SNTG2: variants seen among roughly 807,000 people sequenced by gnomAD.
SNTG2 encodes syntrophin gamma 2, also known as gamma-2-syntrophin.
Under a neutral mutation model 70.9 loss-of-function variants are expected in SNTG2, and 74 were observed. That is an observed-to-expected ratio of 1.04 (90% CI 0.86 to 1.27). SNTG2 has a LOEUF of 1.27. SNTG2 is among the 50% of genes most tolerant of loss of function. The pLI is 0.00. For missense variants in SNTG2, 717 were observed against 690.7 expected (o/e 1.04, Z -0.43); for synonymous variants, 278 against 273.8 (o/e 1.02, Z -0.15).
At chr2:1,176,066 C>A (rs764258930) in intron 8 of SNTG2, among the ~76,000 whole-genome samples, 38 of 152,122 alleles carry the variant, frequency 2.5e-4, no homozygotes, top group Admixed American at 2.0e-3. Flanking sequence ...TAGCCTAATG[C>A]TTGGAATATG....
chr2:1,053,046 G>A (rs1045202058), intron 1 of SNTG2, among the ~76,000 whole-genome samples: 2 of 152,290 alleles, frequency 1.3e-5, no homozygotes, highest in South Asian at 2.1e-4. Flanking sequence ...TGCCACATAT[G>A]TGAAAATAAC....
intron 1 of SNTG2, among the ~76,000 whole-genome samples, chr2:959,988 C>T (rs1056555619): frequency 6.6e-6 from 1 of 152,032 alleles, no homozygotes; most frequent in Non-Finnish European, 1.5e-5. Context: ...AACTCATCCT[C>T]AAGATAGAAT....
At chr2:1,193,087 G>A (rs561166009) in intron 8 of SNTG2, among the ~76,000 whole-genome samples, 2 of 152,320 alleles carry the variant, frequency 1.3e-5, no homozygotes, top group East Asian at 3.9e-4. Context: ...AGAGAGGCAG[G>A]GCAGGGGCTG....
At chr2:1,347,109 T>C (rs1304391389) in intron 16 of SNTG2, among the ~76,000 whole-genome samples, 6 of 151,856 alleles carry the variant, frequency 4.0e-5, no homozygotes, top group Non-Finnish European at 5.9e-5. Flanking sequence ...AGGTGAGAGC[T>C]CAGTACTCGG....
intron 1 of SNTG2, among the ~76,000 whole-genome samples, chr2:1,062,017 TAA>T (rs772164314): frequency 5.9e-5 from 9 of 152,208 alleles, no homozygotes; most frequent in Admixed American, 2.0e-4. Context: ...GAATTAGACA[TAA>T]GAGGCCTTTC....
chr2:1,266,517 G>T (rs1364801512), intron 13 of SNTG2, among the ~76,000 whole-genome samples: 1 of 152,138 alleles, frequency 6.6e-6, no homozygotes, highest in Admixed American at 6.5e-5. Flanking sequence ...CAGGCCTTTG[G>T]GTTGGCAGAA....
intron 4 of SNTG2, among the ~76,000 whole-genome samples, chr2:1,120,634 A>T (rs1375735575): frequency 6.6e-6 from 1 of 152,176 alleles, no homozygotes; most frequent in East Asian, 1.9e-4. Flanking sequence ...ACAGACTTTA[A>T]ATCAAACTGG....
chr2:1,296,451 C>T (rs551353197), intron 14 of SNTG2, among the ~76,000 whole-genome samples: 9 of 152,346 alleles, frequency 5.9e-5, no homozygotes, highest in Non-Finnish European at 1.0e-4. Context: ...CTGGTGAGCA[C>T]GCCGCTACCT....
At chr2:1,089,250 T>C (rs1664867087) in intron 2 of SNTG2, among the ~76,000 whole-genome samples, 1 of 152,250 alleles carries the variant, frequency 6.6e-6, no homozygotes, top group Admixed American at 6.5e-5. Flanking sequence ...TAAAATGTTA[T>C]TTAATGGTAC....
chr2:1,031,531 T>A (rs1310963775), intron 1 of SNTG2, among the ~76,000 whole-genome samples: 2,578 of 49,154 alleles, frequency 0.052, 70 homozygotes, highest in African/African-American at 0.12. Context: ...TATATATATT[T>A]TTTTTTTTTT....
intron 4 of SNTG2, among the ~76,000 whole-genome samples, chr2:1,130,621 A>T (rs931840117): frequency 6.6e-6 from 1 of 152,140 alleles, no homozygotes; most frequent in African/African-American, 2.4e-5. Context: ...TCCTGCAAAC[A>T]TTTTATTTTA....
intron 1 of SNTG2, among the ~76,000 whole-genome samples, chr2:968,141 C>CT (rs1660630375): frequency 2.4e-5 from 3 of 123,282 alleles, no homozygotes; most frequent in African/African-American, 9.6e-5. Flanking sequence ...TTATTTCAAG[C>CT]GTTTTTTTTT....
At chr2:1,021,206 G>A (rs1462989850) in intron 1 of SNTG2, among the ~76,000 whole-genome samples, 1 of 152,132 alleles carries the variant, frequency 6.6e-6, no homozygotes, top group African/African-American at 2.4e-5. Context: ...TATACATGGT[G>A]CACTACAGTC....
At chr2:1,069,627 C>G (rs987588477) in intron 1 of SNTG2, among the ~76,000 whole-genome samples, 1 of 151,878 alleles carries the variant, frequency 6.6e-6, no homozygotes, top group African/African-American at 2.4e-5. Flanking sequence ...CCTGTCTGTA[C>G]TAAAAATACA....
chr2:1,127,175 C>A (rs1667746744), intron 4 of SNTG2, among the ~76,000 whole-genome samples: 1 of 151,776 alleles, frequency 6.6e-6, no homozygotes, highest in Non-Finnish European at 1.5e-5. Flanking sequence ...CCTTCTTCTG[C>A]AAGTGAATAG....
rs1268643105 is a variant in SNTG2, at chr2:1,355,193, T to C, written c.1489-12150T>C. 2.6e-5 allele frequency among the ~76,000 whole-genome samples: 4 copies of C among 152,266 alleles called. No homozygotes were observed. The East Asian group carries it at 5.8e-4, about 22-fold the overall frequency. On this transcript the variant is annotated intron_variant, in intron 16 of 16. Coordinates refer to ENST00000308624, the MANE Select transcript of SNTG2 (RefSeq NM_018968.4). ...AATCTTTCTGGTTTTCGTATTTGTTTATGTGTGGTAACAAGCACATGACAT... is the reference window on the plus strand; with the variant it reads ...AATCTTTCTGGTTTTCGTATTTGTTCATGTGTGGTAACAAGCACATGACAT...
chr2:1,239,919 A>C (rs1676940119), intron 11 of SNTG2, 143 bp downstream of exon 11: 1 of 1,042,654 alleles, frequency 9.6e-7, no homozygotes, highest in Non-Finnish European at 1.4e-6. Context: ...ACATTAGCAC[A>C]TTTCAGACTG....
intron 1 of SNTG2, among the ~76,000 whole-genome samples, chr2:1,028,937 G>C (rs1485581086): frequency 6.6e-6 from 1 of 152,054 alleles, no homozygotes; most frequent in African/African-American, 2.4e-5. Flanking sequence ...GTAATGTGCT[G>C]TCCCATGTTC....
intron 6 of SNTG2, chr2:1,161,072 A>G (rs1670239809): frequency 6.6e-6 from 1 of 152,260 alleles, no homozygotes; most frequent in Non-Finnish European, 1.5e-5. Context: ...GCATCCTCCT[A>G]CCTTGACTTT....
Sources: gnomAD v4.1 joint callset for allele counts (sites outside exome capture counted in the v4.1 genomes callset) on GRCh38, gnomAD v4.1.1 for gene constraint, MANE v1.5 for transcripts, NCBI Gene and HGNC (gene_info 2026-07-23, HGNC 2026-07-21) for gene names.